ODF2: variants seen among roughly 807,000 people sequenced by gnomAD.
The protein encoded by ODF2 is outer dense fiber protein 2.
In ODF2, 47 loss-of-function variants were observed where a neutral mutation model predicts 110.2. The observed-to-expected ratio is 0.43, with a 90% CI of 0.34 to 0.54. The LOEUF (loss-of-function observed/expected upper bound fraction) is 0.54, where lower values mean the gene tolerates loss of function less well. Among genes scored for constraint, ODF2 ranks in the 20% least tolerant of loss-of-function variants. The pLI is 0.03. For missense variants in ODF2, 812 were observed against 1,054.5 expected (o/e 0.77, Z 3.19); for synonymous variants, 352 against 397.7 (o/e 0.89, Z 1.37).
intron 6 of ODF2, among the ~76,000 whole-genome samples, chr9:128,472,051 C>A (rs549958728): frequency 2.3e-4 from 35 of 152,226 alleles, no homozygotes; most frequent in Middle Eastern, 6.8e-3. Flanking sequence ...GGAGCCAAGG[C>A]GGGCAAATCA....
At chr9:128,457,070 A>T in intron 1 of ODF2, 1 of 1,318,206 alleles carries the variant, frequency 7.6e-7, no homozygotes, top group Non-Finnish European at 9.8e-7. Context: ...CCCGGTAGCC[A>T]CCGGCAGTCC....
chr9:128,479,586 CA>C (rs1842032619), intron 8 of ODF2, among the ~76,000 whole-genome samples: 1 of 152,192 alleles, frequency 6.6e-6, no homozygotes, highest in Non-Finnish European at 1.5e-5. Flanking sequence ...ATTTCAGCCA[CA>C]AATCTCAGAC....
intron 4 of ODF2, among the ~76,000 whole-genome samples, chr9:128,465,338 A>G (rs1837562441): frequency 6.6e-6 from 1 of 152,228 alleles, no homozygotes; most frequent in African/African-American, 2.4e-5. Flanking sequence ...GGAAATGAAG[A>G]CCAAAAGCTG....
At chr9:128,476,470 T>A (rs1019285257) in intron 8 of ODF2, among the ~76,000 whole-genome samples, 1 of 151,752 alleles carries the variant, frequency 6.6e-6, no homozygotes, top group African/African-American at 2.4e-5. Flanking sequence ...GTAGTTTTAG[T>A]AGAGACGGGG....
chr9:128,496,228 G>C, intron 18 of ODF2, 87 bp downstream of exon 18: 2 of 1,590,136 alleles, frequency 1.3e-6, no homozygotes, highest in Non-Finnish European at 1.7e-6. Flanking sequence ...GTGTGCGGAA[G>C]TGTTGAGGGA....
At chr9:128,479,311 C>G (rs1841975021) in intron 8 of ODF2, among the ~76,000 whole-genome samples, 1 of 152,174 alleles carries the variant, frequency 6.6e-6, no homozygotes, top group African/African-American at 2.4e-5. Flanking sequence ...TAGGGACAGT[C>G]ACAAAGACAT....
intron 13 of ODF2, among the ~76,000 whole-genome samples, chr9:128,487,222 C>T (rs1016251123): frequency 3.3e-5 from 5 of 152,194 alleles, no homozygotes; most frequent in Admixed American, 2.0e-4. Context: ...ACTGGGATTA[C>T]AGGTGTGAGC....
At chr9:128,480,050 A>C (rs1842118247) in intron 8 of ODF2, among the ~76,000 whole-genome samples, 2 of 152,138 alleles carry the variant, frequency 1.3e-5, no homozygotes, top group South Asian at 4.1e-4. Context: ...TGAGTCCAGG[A>C]TATCAAGGTT....
At chr9:128,456,784 C>G (rs1588663624) in intron 1 of ODF2, 1 of 1,331,400 alleles carries the variant, frequency 7.5e-7, no homozygotes. Context: ...CCGCCCCCTC[C>G]CAGCCCGGCG....
intron 8 of ODF2, among the ~76,000 whole-genome samples, chr9:128,478,402 A>G (rs540525896): frequency 3.9e-5 from 6 of 152,238 alleles, no homozygotes; most frequent in Non-Finnish European, 7.4e-5. Flanking sequence ...ATTTGAGACC[A>G]GCCTGGGCAA....
chr9:128,492,846 C>T (rs768088617), intron 16 of ODF2, 41 bp downstream of exon 16: 3 of 1,520,368 alleles, frequency 2.0e-6, no homozygotes, highest in Non-Finnish European at 1.8e-6. Flanking sequence ...TACCCAATTC[C>T]ATATCTAACT....
intron 18 of ODF2, chr9:128,496,408 C>A: frequency 8.1e-7 from 1 of 1,232,142 alleles, no homozygotes; most frequent in Non-Finnish European, 1.1e-6. Flanking sequence ...AAAGGCATGC[C>A]TGGTCCAGGC....
At chr9:128,488,379 C>T (rs768641356) in intron 14 of ODF2, among the ~76,000 whole-genome samples, 2 of 151,900 alleles carry the variant, frequency 1.3e-5, no homozygotes, top group African/African-American at 2.4e-5. Context: ...GAGCCGAGAT[C>T]GCCCCACTGC....
At position 128,471,290 on chromosome 9, in the gene ODF2, C is replaced by G; in HGVS notation, c.421-18C>G. The stretch of plus-strand genomic sequence containing the variant: ...AGGACCTCCCTTCAGTGGCCCCTGC[C>G]TGGGTCCCCCTGCTCAGGTCAAGAT... On this transcript the variant is annotated intron_variant, in intron 5 of 20. Transcript: ENST00000604420. 6.3e-7 allele frequency: 1 copy of G among 1,590,594 alleles called. No individual in the cohort carries two copies.
chr9:128,497,434 AAAAAAAAAAAAAATATATATAT>A (rs1223473844), intron 18 of ODF2: 10 of 92,736 alleles, frequency 1.1e-4, no homozygotes, highest in African/African-American at 5.2e-4. Context: ...AAAAAAAAAA[AAAAAAAAAAAAAATATATATAT>A]ATATATATAT....
chr9:128,472,885 G>A, intron 6 of ODF2, 28 bp from the exon 7 acceptor site: 1 of 1,612,982 alleles, frequency 6.2e-7, no homozygotes, highest in Non-Finnish European at 8.5e-7. Flanking sequence ...GCCTGGGAGG[G>A]CTCACAGAGC....
intron 4 of ODF2, among the ~76,000 whole-genome samples, chr9:128,465,395 T>A (rs1055693161): frequency 1.3e-5 from 2 of 152,162 alleles, no homozygotes; most frequent in African/African-American, 4.8e-5. Flanking sequence ...ACTCCTGGAA[T>A]ATAAGATCAG....
At position 128,492,697 on chromosome 9, in the gene ODF2, C is replaced by T. The variant is rs1319700126; in HGVS notation, c.1648-4C>T. ...AGATGAACCACAGTGTTGTTGGTCC[C>T]TAGGTGATGAAGACCAGATTGGAGG... is the stretch of plus-strand genomic sequence containing the variant. On this transcript the variant is annotated splice_polypyrimidine_tract_variant and splice_region_variant and intron_variant, in intron 15 of 20. Coordinates refer to ENST00000604420, the Ensembl canonical transcript of ODF2. 6.2e-7 allele frequency: 1 copy of T among 1,613,084 alleles called. No individual in the cohort carries two copies. Among genetic ancestry groups the T allele is most frequent in the South Asian group, 1.1e-5 (1 of 91,044 alleles).
At chr9:128,496,872 C>T (rs1042223338) in intron 18 of ODF2, among the ~76,000 whole-genome samples, 1 of 152,086 alleles carries the variant, frequency 6.6e-6, no homozygotes, top group Non-Finnish European at 1.5e-5. Context: ...GGACTACAGG[C>T]GTATGCCACC....
Sources: allele counts gnomAD v4.1 joint callset (sites outside exome capture counted in the v4.1 genomes callset), GRCh38; gene constraint gnomAD v4.1.1; transcripts MANE v1.5; gene names NCBI Gene and HGNC (gene_info 2026-07-23, HGNC 2026-07-21).